ANO1: variants seen among roughly 807,000 people sequenced by gnomAD.
The protein encoded by ANO1 is anoctamin 1, also known as anoctamin-1.
A neutral mutation model predicts 124.0 loss-of-function variants in ANO1; 59 were observed. The ratio of observed to expected loss-of-function variants is 0.48; its 90% CI spans 0.39 to 0.59. ANO1 has a LOEUF of 0.59. Among genes scored for constraint, ANO1 ranks in the 20% least tolerant of loss-of-function variants. ANO1 has a pLI of 0.00. For missense variants in ANO1, 1,059 were observed against 1,328.0 expected (o/e 0.80, Z 3.15); for synonymous variants, 529 against 532.0 (o/e 0.99, Z 0.08).
At chr11:70,157,648 C>G (rs1255228038) in intron 16 of ANO1, among the ~76,000 whole-genome samples, 2 of 152,034 alleles carry the variant, frequency 1.3e-5, no homozygotes, top group East Asian at 3.9e-4. Flanking sequence ...GTAATTCAAG[C>G]CTGGGATTCA....
At chr11:70,051,965 C>T (rs1236053058) in intron 1 of ANO1, among the ~76,000 whole-genome samples, 1 of 152,156 alleles carries the variant, frequency 6.6e-6, no homozygotes, top group Admixed American at 6.5e-5. Context: ...TTTGTGCATC[C>T]TAAGGTCATG....
At chr11:70,043,596 T>C (rs994447889) in intron 1 of ANO1, among the ~76,000 whole-genome samples, 9 of 152,070 alleles carry the variant, frequency 5.9e-5, no homozygotes, top group African/African-American at 1.9e-4. Flanking sequence ...AAAGGACATA[T>C]TATGTAGGGG....
intron 1 of ANO1, among the ~76,000 whole-genome samples, chr11:70,006,228 C>T (rs1856479376): frequency 6.6e-6 from 1 of 152,224 alleles, no homozygotes. Flanking sequence ...TAGTCCAGGA[C>T]TTTCACATCC....
At chr11:70,033,390 G>A (rs1399571166) in intron 1 of ANO1, among the ~76,000 whole-genome samples, 3 of 152,308 alleles carry the variant, frequency 2.0e-5, no homozygotes, top group Non-Finnish European at 4.4e-5. Flanking sequence ...TCGCCACTGA[G>A]TGCGTATCTG....
chr11:70,184,539 T>C (rs72942971), intron 24 of ANO1, among the ~76,000 whole-genome samples: 45,571 of 151,696 alleles, frequency 0.3, 8,019 homozygotes, highest in East Asian at 0.53. Context: ...TCCTTCAAGA[T>C]AAGGAGGTGA....
At chr11:70,109,209 A>T (rs984674425) in intron 6 of ANO1, among the ~76,000 whole-genome samples, 1 of 152,140 alleles carries the variant, frequency 6.6e-6, no homozygotes, top group Non-Finnish European at 1.5e-5. Flanking sequence ...TGAAAGCTGG[A>T]GTCTGTGCAT....
intron 11 of ANO1, among the ~76,000 whole-genome samples, chr11:70,133,518 G>A (rs912772863): frequency 2.6e-5 from 4 of 152,150 alleles, no homozygotes; most frequent in South Asian, 2.1e-4. Context: ...GGGCAGAGAG[G>A]GACTGAAGCA....
Position 70,147,747 on chromosome 11 carries a change from C to T in ANO1, c.1259-1963C>T, listed in dbSNP as rs139650069. Among the ~76,000 whole-genome samples, 554 of 152,308 alleles carry T rather than the reference C, an allele frequency of 3.6e-3. 3 individuals are homozygous for T. Among genetic ancestry groups the T allele is most frequent in the African/African-American group, 0.013 (538 of 41,554 alleles). ...GACTTCCCCTGGGAAGCCCTTCCTC[C>T]GTGATCCCAGCTTCTTCTGGGCAGC... On this transcript the variant is annotated intron_variant, in intron 11 of 25. Transcript: ENST00000355303.
In ANO1 at chr11:70,171,032, A is replaced by G. The variant is rs1227575143; in HGVS notation, c.2343A>G (p.Lys781=). The G allele has an allele frequency of 6.2e-7, 1 of 1,611,946 alleles. No homozygotes were observed. Among genetic ancestry groups the G allele is most frequent in the South Asian group, 1.1e-5 (1 of 90,664 alleles). Reference sequence around the variant, plus strand: ...GAAGGCCGGTAGCTGTCAGAGCCAAAGACATCGGTGAGTGACCCCACGGGC... The same window carrying G: ...GAAGGCCGGTAGCTGTCAGAGCCAAGGACATCGGTGAGTGACCCCACGGGC... The part of the protein sequence containing the change: ...ELRRPVAVRA[K]DIGIWYNILR... The change falls in exon 22 of 26, where the codon AAA becomes AAG. Residue 781 remains lysine (K), a synonymous_variant. Coordinates refer to ENST00000355303, the MANE Select transcript of ANO1 (RefSeq NM_018043.7).
intron 1 of ANO1, among the ~76,000 whole-genome samples, chr11:70,030,321 G>T (rs1311032241): frequency 6.6e-6 from 1 of 152,220 alleles, no homozygotes; most frequent in Non-Finnish European, 1.5e-5. Flanking sequence ...AAGGTATCGG[G>T]TTCTCCCTTC....
chr11:70,131,321 G>A (rs1299382208), intron 10 of ANO1, among the ~76,000 whole-genome samples: 6 of 151,954 alleles, frequency 3.9e-5, no homozygotes, highest in Non-Finnish European at 5.9e-5. Context: ...GTGTGTGTGT[G>A]TGTGTGTGTG....
At chr11:70,146,969 G>C (rs1029893671) in intron 11 of ANO1, among the ~76,000 whole-genome samples, 1 of 152,154 alleles carries the variant, frequency 6.6e-6, no homozygotes, top group Non-Finnish European at 1.5e-5. Context: ...CCCCTCCACT[G>C]ACTCAAATGT....
intron 14 of ANO1, among the ~76,000 whole-genome samples, chr11:70,155,450 C>T (rs2135671588): frequency 6.6e-6 from 1 of 152,350 alleles, no homozygotes; most frequent in East Asian, 1.9e-4. Flanking sequence ...CTCCCAGTGG[C>T]TGCTCTGCGG....
At chr11:70,044,991 T>C (rs1591054156) in intron 1 of ANO1, among the ~76,000 whole-genome samples, 1 of 152,356 alleles carries the variant, frequency 6.6e-6, no homozygotes, top group African/African-American at 2.4e-5. Context: ...GTAAAGTATG[T>C]AGTTTTTAAA....
intron 1 of ANO1, chr11:70,085,317 T>G: frequency 9.1e-5 from 66 of 723,520 alleles, no homozygotes; most frequent in Non-Finnish European, 1.1e-4. Flanking sequence ...TCCCCCACCC[T>G]TCCCCCTGAG....
At chr11:70,128,898 G>A (rs1211155934) in intron 10 of ANO1, among the ~76,000 whole-genome samples, 2 of 152,248 alleles carry the variant, frequency 1.3e-5, no homozygotes, top group Non-Finnish European at 2.9e-5. Flanking sequence ...TAGGGCTCAT[G>A]GGCAGGCCGT....
Position 70,108,151 on chromosome 11 carries a change from G to C in ANO1, c.748-202G>C, listed in dbSNP as rs571271499. ...AGGTGCACCTGTTTCTCCCTGAGAAGCTCAAGCCTTTGACAGTGTTGAGAA... is the reference window on the plus strand; with the variant it reads ...AGGTGCACCTGTTTCTCCCTGAGAACCTCAAGCCTTTGACAGTGTTGAGAA... On this transcript the variant is annotated intron_variant, in intron 5 of 25. Transcript: ENST00000355303. The C allele has an allele frequency of 5.5e-5, 28 of 509,536 alleles. 1 individual carries two copies. In the South Asian group the frequency reaches 9.4e-4, roughly 17 times the overall value. 31.6% of individuals were successfully genotyped at this position (509,536 alleles called of 1,614,324 possible).
chr11:70,105,886 C>T (rs765442241), intron 5 of ANO1, 98 bp downstream of exon 5: 46 of 1,259,796 alleles, frequency 3.7e-5, no homozygotes, highest in Non-Finnish European at 4.6e-5. Context: ...CGGTGGAAGC[C>T]GGCTCTAATT....
intron 3 of ANO1, among the ~76,000 whole-genome samples, chr11:70,103,492 C>T (rs1009828536): frequency 6.6e-6 from 1 of 152,102 alleles, no homozygotes; most frequent in Non-Finnish European, 1.5e-5. Context: ...CAGTTCGGGC[C>T]GTGGTGCTTT....
Sources: gnomAD v4.1 joint callset for allele counts (sites outside exome capture counted in the v4.1 genomes callset) on GRCh38, gnomAD v4.1.1 for gene constraint, MANE v1.5 for transcripts, NCBI Gene and HGNC (gene_info 2026-07-23, HGNC 2026-07-21) for gene names.